Variants in RAPGEFL1 observed in about 807,000 individuals in gnomAD.
RAPGEFL1 encodes the protein rap guanine nucleotide exchange factor-like 1.
Under a neutral mutation model 64.4 loss-of-function variants are expected in RAPGEFL1, and 31 were observed. That is an observed-to-expected ratio of 0.48 (90% CI 0.36 to 0.65). The LOEUF (loss-of-function observed/expected upper bound fraction) is 0.65, where lower values mean the gene tolerates loss of function less well. Among genes scored for constraint, RAPGEFL1 ranks in the 30% least tolerant of loss-of-function variants. The pLI is 0.00. For missense variants in RAPGEFL1, 682 were observed against 677.4 expected (o/e 1.01, Z -0.08); for synonymous variants, 331 against 274.1 (o/e 1.21, Z -2.05).
intron 4 of RAPGEFL1, chr17:40,188,627 T>C: frequency 3.7e-6 from 2 of 543,306 alleles, no homozygotes; most frequent in Admixed American, 3.1e-5. Context: ...AAAGTGACCT[T>C]CCTGGTGGGT....
At chr17:40,183,521 T>C (rs888009348) in intron 2 of RAPGEFL1, among the ~76,000 whole-genome samples, 45 of 135,480 alleles carry the variant, frequency 3.3e-4, no homozygotes, top group Non-Finnish European at 6.0e-4. Flanking sequence ...TTCTTTTCTT[T>C]TTTTTTTTTT....
chr17:40,189,525 T>TGCAAGA, intron 6 of RAPGEFL1, 150 bp downstream of exon 6: 1 of 887,652 alleles, frequency 1.1e-6, no homozygotes, highest in Non-Finnish European at 1.7e-6. Flanking sequence ...TGGGAACTTG[T>TGCAAGA]TAGGATGCAG....
Position 40,191,465 on chromosome 17 carries a change from G to A in RAPGEFL1, c.1485G>A (p.Leu495=), listed in dbSNP as rs1990262827. ...LCEAPGKRAQ[L]LKKFIKIAAL... ...AGGCCCCGGGCAAGCGCGCGCAGCT[G>A]CTCAAGAAGTTCATCAAGATCGCGG... The change falls in exon 9 of 15, where the codon CTG becomes CTA. Residue 495 remains leucine (L), a synonymous_variant. Transcript: ENST00000620260. This position sits in a 1 kb window ranked among gnomAD's most constrained non-coding sequence, Gnocchi z 5.1. The A allele has an allele frequency of 6.2e-7, 1 of 1,607,084 alleles. No homozygotes were observed. Among genetic ancestry groups the A allele is most frequent in the Non-Finnish European group, 8.5e-7 (1 of 1,178,540 alleles).
At position 40,194,435 on chromosome 17, in the gene RAPGEFL1, C is replaced by G. The variant is rs1271024716; in HGVS notation, c.*647C>G. 6.5e-6 allele frequency: 1 copy of G among 152,886 alleles called. No homozygotes were observed. Among genetic ancestry groups the G allele is most frequent in the Non-Finnish European group, 1.5e-5 (1 of 68,366 alleles). The allele number at this position is 152,886 out of a possible 1,614,324, so 9.5% of individuals were successfully genotyped here. On this transcript the variant is annotated 3_prime_UTR_variant, in exon 15 of 15. Coordinates refer to ENST00000620260, the MANE Select transcript of RAPGEFL1 (RefSeq NM_016339.6). ...TTTCTCCACCCCCACACTCCCTGCT[C>G]AGCTCCTCGTGCTGCCCTGCATGCC...
At chr17:40,192,158 T>A in intron 10 of RAPGEFL1, 55 bp from the exon 11 acceptor site, 5 of 1,524,528 alleles carry the variant, frequency 3.3e-6, no homozygotes, top group Non-Finnish European at 3.6e-6. Context: ...GAGGCTCCCA[T>A]GTAACCCAAG....
Position 40,177,498 on chromosome 17 carries a change from AGCC to A in RAPGEFL1, c.-343_-341del, listed in dbSNP as rs566747235. On this transcript the variant is annotated 5_prime_UTR_variant, in exon 1 of 15. Transcript: ENST00000620260. ...TCCCCCTCTTCACGGCCAGGAGCGCAGCCGCCGCCGCCGCCGCCGCCGCGTCCT... is the reference window on the plus strand; with the variant it reads ...TCCCCCTCTTCACGGCCAGGAGCGCAGCCGCCGCCGCCGCCGCCGCGTCCT... 0.019 allele frequency: 11,137 copies of A among 574,692 alleles called. 94 individuals carry two copies. The highest frequency in any genetic ancestry group is 0.025 in the Non-Finnish European group (8,066 of 322,540). 35.6% of individuals were successfully genotyped at this position (574,692 alleles called of 1,614,324 possible). A position where few individuals can be genotyped will look rare whatever the true frequency, so the allele number is the denominator to read the frequency against.
At chr17:40,188,319 C>G (rs757014146) in intron 4 of RAPGEFL1, among the ~76,000 whole-genome samples, 8 of 152,168 alleles carry the variant, frequency 5.3e-5, no homozygotes, top group Non-Finnish European at 7.3e-5. Flanking sequence ...TCTTCTTCCC[C>G]CACACCAGCA....
intron 1 of RAPGEFL1, among the ~76,000 whole-genome samples, chr17:40,179,198 C>G (rs1310957492): frequency 2.0e-5 from 3 of 152,142 alleles, no homozygotes; most frequent in African/African-American, 7.2e-5. Context: ...TCCTGAGTAG[C>G]TGGGACTACA....
chr17:40,178,120 G>C lies in RAPGEFL1; in HGVS notation c.259G>C (p.Glu87Gln), dbSNP rs1257859277. 5 of 567,168 alleles carry C rather than the reference G, an allele frequency of 8.8e-6. No individual in the cohort carries two copies. The highest frequency in any genetic ancestry group is 8.2e-5 in the South Asian group (4 of 48,840). The allele number at this position is 567,168 out of a possible 1,614,324, so 35.1% of individuals were successfully genotyped here. The change falls in exon 1 of 15, where the codon GAG (glutamate) becomes CAG (glutamine). Residue 87 changes from glutamate to glutamine, a missense_variant. Transcript: ENST00000620260. Reference sequence around the variant, plus strand: ...GCCGCCCCCTGAGGAGGAAGGAGGAGAGCCGGCGGGGGTCGCGGAGGAGCC... The same window carrying C: ...GCCGCCCCCTGAGGAGGAAGGAGGACAGCCGGCGGGGGTCGCGGAGGAGCC... ...LEPPPEEEGG[E>Q]PAGVAEEPGS...
chr17:40,177,851 C>CGGG lies in RAPGEFL1; in HGVS notation c.-4_-2dup, dbSNP rs371861120. On this transcript the variant is annotated 5_prime_UTR_variant, in exon 1 of 15. Coordinates refer to ENST00000620260, the MANE Select transcript of RAPGEFL1 (RefSeq NM_016339.6). ...CCCCCGGCGACCCCTAGGAGAGGGG[C>CGGG]GGGGGGGGGCATGAAGCCGCTGGAG... 4.8e-6 allele frequency: 2 copies of CGGG among 412,772 alleles called. No individual in the cohort carries two copies. The highest frequency in any genetic ancestry group is 6.2e-5 in the South Asian group (1 of 16,186). 25.6% of individuals were successfully genotyped at this position (412,772 alleles called of 1,614,324 possible).
chr17:40,183,833 G>T (rs145965841), intron 2 of RAPGEFL1, among the ~76,000 whole-genome samples: 294 of 57,484 alleles, frequency 5.1e-3, no homozygotes, highest in South Asian at 6.8e-3. Context: ...TTTTTTTTTT[G>T]CCTTTTTTTT....
rs1428873082 is a variant in RAPGEFL1, at chr17:40,195,194, T to C, written c.*1406T>C. 1 of 152,292 alleles carries C rather than the reference T, an allele frequency of 6.6e-6. No individual in the cohort carries two copies. The highest frequency in any genetic ancestry group is 1.5e-5 in the Non-Finnish European group (1 of 68,058). 9.4% of individuals were successfully genotyped at this position (152,292 alleles called of 1,614,324 possible). A position where few individuals can be genotyped will look rare whatever the true frequency, so the allele number is the denominator to read the frequency against. ...AAGAGGGAAAGAGCCTTGTATCATATGTGAACATTGTATCATAGGTAATGT... is the reference window on the plus strand; with the variant it reads ...AAGAGGGAAAGAGCCTTGTATCATACGTGAACATTGTATCATAGGTAATGT... On this transcript the variant is annotated 3_prime_UTR_variant, in exon 15 of 15. Transcript: ENST00000620260.
chr17:40,177,799 C>G lies in RAPGEFL1; in HGVS notation c.-63C>G. On this transcript the variant is annotated 5_prime_UTR_variant, in exon 1 of 15. Coordinates refer to ENST00000620260, the MANE Select transcript of RAPGEFL1 (RefSeq NM_016339.6). ...CTGAGCATCGTGTCTTCGCCGCCCC[C>G]CCCGCCCGCGCCTGGGATACCTGGG... is the stretch of plus-strand genomic sequence containing the variant. 2.4e-6 allele frequency: 1 copy of G among 410,766 alleles called. No homozygotes were observed. The highest frequency in any genetic ancestry group is 8.7e-5 in the South Asian group (1 of 11,496). The allele number at this position is 410,766 out of a possible 1,614,324, so 25.4% of individuals were successfully genotyped here.
chr17:40,180,299 G>A (rs987985134), intron 1 of RAPGEFL1, among the ~76,000 whole-genome samples: 3 of 152,108 alleles, frequency 2.0e-5, no homozygotes, highest in South Asian at 2.1e-4. Flanking sequence ...CACACGCTCC[G>A]CTCATTCTCC....
rs553418619 is a variant in RAPGEFL1, at chr17:40,193,881, C to T, written c.*93C>T. 22 of 1,532,916 alleles carry T rather than the reference C, an allele frequency of 1.4e-5. No individual in the cohort carries two copies. Among genetic ancestry groups the T allele is most frequent in the African/African-American group, 2.7e-5 (2 of 72,730 alleles). 95.0% of individuals were successfully genotyped at this position (1,532,916 alleles called of 1,614,324 possible). On this transcript the variant is annotated 3_prime_UTR_variant, in exon 15 of 15. Coordinates refer to ENST00000620260, the MANE Select transcript of RAPGEFL1 (RefSeq NM_016339.6). Reference sequence around the variant, plus strand: ...CTCAACCAACATCTGACATCTTTCCCGTGGAGCAACTTCCTGCTCCACGGG... The same window carrying T: ...CTCAACCAACATCTGACATCTTTCCTGTGGAGCAACTTCCTGCTCCACGGG...
chr17:40,181,344 G>T (rs979509848), intron 1 of RAPGEFL1: 1 of 578,090 alleles, frequency 1.7e-6, no homozygotes, highest in African/African-American at 1.8e-5. Flanking sequence ...TCCCACATAC[G>T]CTGAAGAGAA....
intron 2 of RAPGEFL1, among the ~76,000 whole-genome samples, chr17:40,183,441 A>T (rs531919956): frequency 2.2e-4 from 33 of 148,712 alleles, no homozygotes; most frequent in African/African-American, 8.1e-4. Context: ...GACCACCGAA[A>T]CTCCTTTCTC....
At chr17:40,188,843 A>C in intron 4 of RAPGEFL1, 23 bp from the exon 5 acceptor site, 2 of 1,601,246 alleles carry the variant, frequency 1.2e-6, no homozygotes, top group Non-Finnish European at 1.7e-6. Context: ...GGGCGTGCTG[A>C]TGCCCAGCTG....
rs775449320 is a variant in RAPGEFL1, at chr17:40,195,079, C to T, written c.*1291C>T. 7.2e-5 allele frequency: 11 copies of T among 152,700 alleles called. No homozygotes were observed. The East Asian group carries it at 1.3e-3, about 19-fold the overall frequency. 9.5% of individuals were successfully genotyped at this position (152,700 alleles called of 1,614,324 possible). A position where few individuals can be genotyped will look rare whatever the true frequency, so the allele number is the denominator to read the frequency against. On this transcript the variant is annotated 3_prime_UTR_variant, in exon 15 of 15. Transcript: ENST00000620260. ...TCCCTTTTGAAGAGACAGCAACAGC[C>T]GTAGCAAAAGCAGCTGCTGCTCCTG...
Sources: gnomAD v4.1 joint callset for allele counts (sites outside exome capture counted in the v4.1 genomes callset) on GRCh38, gnomAD v4.1.1 for gene constraint, Gnocchi (gnomAD v3.1) non-coding constraint, MANE v1.5 for transcripts, NCBI Gene and HGNC (gene_info 2026-07-23, HGNC 2026-07-21) for gene names.